OSER1: variants seen among roughly 807,000 people sequenced by gnomAD.
OSER1 encodes oxidative stress responsive serine rich 1.
In OSER1, 15 loss-of-function variants were observed where a neutral mutation model predicts 26.3. That is an observed-to-expected ratio of 0.57 (90% confidence interval 0.38 to 0.88). The LOEUF (loss-of-function observed/expected upper bound fraction) is 0.88, where lower values mean the gene tolerates loss of function less well. Among genes scored for constraint, OSER1 ranks in the 40% least tolerant of loss-of-function variants. OSER1 has a pLI of 0.00. For missense variants in OSER1, 313 were observed against 353.9 expected, an observed-to-expected ratio of 0.88 and a Z score of 0.93; for synonymous variants, 127 against 128.2, an observed-to-expected ratio of 0.99 and a Z score of 0.07.
upstream of OSER1, chr20:44,211,458 T>A (rs1027308030): frequency 6.6e-6 from 1 of 152,184 alleles, no homozygotes; most frequent in African/African-American, 2.4e-5. Context: ...AGGCAACTGC[T>A]TTTCCTCCTT....
intron 3 of OSER1, among the ~76,000 whole-genome samples, chr20:44,199,632 G>A (rs2072960641): frequency 6.6e-6 from 1 of 152,162 alleles, no homozygotes; most frequent in African/African-American, 2.4e-5. Context: ...CGGTAAGAAC[G>A]AATCTCCTAT....
chr20:44,204,561 A>T (rs1457830756), intron 2 of OSER1, among the ~76,000 whole-genome samples: 1 of 152,194 alleles, frequency 6.6e-6, no homozygotes, highest in Non-Finnish European at 1.5e-5. Flanking sequence ...TACAGGTGGT[A>T]CATACACAGG....
At chr20:44,201,232 G>T (rs1569238186) in intron 3 of OSER1, among the ~76,000 whole-genome samples, 1 of 152,206 alleles carries the variant, frequency 6.6e-6, no homozygotes, top group Non-Finnish European at 1.5e-5. Context: ...AAAGTATACA[G>T]GAGAATGAGC....
chr20:44,211,376 T>G (rs1391790381), upstream of OSER1: 1 of 152,192 alleles, frequency 6.6e-6, no homozygotes, highest in Non-Finnish European at 1.5e-5. Flanking sequence ...GTGGCCAGGG[T>G]CAATAGTGTG....
chr20:44,197,607 G>C lies in OSER1; in HGVS notation c.324C>G (p.His108Gln), dbSNP rs142485619. The change falls in exon 4 of 4, where the codon CAC (histidine) becomes CAG (glutamine). Residue 108 changes from histidine (H) to glutamine (Q), a missense_variant. Transcript: ENST00000255174. ...IASSSSSQLK[H>Q]KSQTDSPDGS... ...CATCAGGTGAGTCAGTCTGGCTTTT[G>C]TGCTTGAGTTGACTGCTGGAAGAAG... 1.9e-5 allele frequency: 31 copies of C among 1,614,080 alleles called. No individual in the cohort carries two copies. The African/African-American group carries it at 4.0e-4, about 21-fold the overall frequency.
rs531054044 is a variant in OSER1, at chr20:44,202,255, G to A, written c.191+706C>T. On this transcript the variant is annotated intron_variant, in intron 3 of 3. Coordinates refer to ENST00000255174, the MANE Select transcript of OSER1 (RefSeq NM_016470.8). The stretch of plus-strand genomic sequence containing the variant: ...CCCGGGCATGGTGGCGGGCACCTGC[G>A]TAACCCCAGGTACCTGGGAGGCCAA... Among the ~76,000 whole-genome samples the A allele has an allele frequency of 2.0e-5, 3 of 152,144 alleles. No homozygotes were observed. In the East Asian group the frequency reaches 5.8e-4, roughly 29 times the overall value.
intron 3 of OSER1, among the ~76,000 whole-genome samples, chr20:44,200,901 C>T (rs906993055): frequency 1.3e-5 from 2 of 152,198 alleles, no homozygotes; most frequent in African/African-American, 4.8e-5. Flanking sequence ...AACCAGAAGA[C>T]AATGAACTGT....
In OSER1 at chr20:44,197,704, G is replaced by C. The variant is rs903491002; in HGVS notation, c.227C>G (p.Thr76Ser). 1.9e-6 allele frequency: 3 copies of C among 1,613,430 alleles called. No individual in the cohort carries two copies. In the African/African-American group the frequency reaches 4.0e-5, roughly 22 times the overall value. ...AGACTTAGAACGTCGACGACGCTGAGTTCTCACTGCTCCTCGTGAAGACTT... is the reference window on the plus strand; with the variant it reads ...AGACTTAGAACGTCGACGACGCTGACTTCTCACTGCTCCTCGTGAAGACTT... ...TRKSSRGAVR[T>S]QRRRRSKSPV... Residue 76 changes from threonine to serine, a missense_variant, in exon 4 of 4, where the codon ACT becomes AGT. Thr to Ser is a moderately conservative substitution (Grantham distance 58). Transcript: ENST00000255174.
chr20:44,208,962 T>C (rs956127404), intron 1 of OSER1, among the ~76,000 whole-genome samples: 9 of 152,258 alleles, frequency 5.9e-5, no homozygotes, highest in African/African-American at 2.2e-4. Flanking sequence ...TTCACAAATA[T>C]TTACAGAATT....
At chr20:44,199,598 G>A (rs555796724) in intron 3 of OSER1, among the ~76,000 whole-genome samples, 19 of 152,300 alleles carry the variant, frequency 1.2e-4, no homozygotes, top group East Asian at 5.8e-4. Flanking sequence ...AAAATAAATC[G>A]TATACTGAGG....
intron 1 of OSER1, among the ~76,000 whole-genome samples, chr20:44,208,962 T>G (rs956127404): frequency 6.6e-6 from 1 of 152,140 alleles, no homozygotes; most frequent in African/African-American, 2.4e-5. Context: ...TTCACAAATA[T>G]TTACAGAATT....
intron 3 of OSER1, among the ~76,000 whole-genome samples, chr20:44,198,011 C>T (rs775487188): frequency 7.2e-5 from 11 of 152,166 alleles, no homozygotes; most frequent in Non-Finnish European, 1.3e-4. Context: ...GGACAGAACA[C>T]CTGCCCTGTT....
chr20:44,201,691 G>C (rs1163586962), intron 3 of OSER1, among the ~76,000 whole-genome samples: 1 of 152,180 alleles, frequency 6.6e-6, no homozygotes, highest in Admixed American at 6.5e-5. Flanking sequence ...GGTTTCTAAG[G>C]AGAAGGGCTA....
intron 3 of OSER1, 44 bp downstream of exon 3, chr20:44,202,917 A>C: frequency 9.0e-7 from 1 of 1,110,696 alleles, no homozygotes; most frequent in Non-Finnish European, 1.4e-6. Flanking sequence ...ATCCAATACT[A>C]TTATAATATT....
In OSER1 at chr20:44,196,606, G is replaced by A. The variant is rs1016242483; in HGVS notation, c.*446C>T. 1 of 161,368 alleles carries A rather than the reference G, an allele frequency of 6.2e-6. No homozygotes were observed. Among genetic ancestry groups the A allele is most frequent in the African/African-American group, 2.4e-5 (1 of 41,516 alleles). 10.0% of individuals were successfully genotyped at this position (161,368 alleles called of 1,614,324 possible). A position where few individuals can be genotyped will look rare whatever the true frequency, so the allele number is the denominator to read the frequency against. ...ACAATATATCTTGCATTAAATCAGA[G>A]ACGGTTTAAATCAGTCTTGTAACTT... On this transcript the variant is annotated 3_prime_UTR_variant, in exon 4 of 4. Transcript: ENST00000255174.
At position 44,197,751 on chromosome 20, in the gene OSER1, A is replaced by G. The variant is rs768525162; in HGVS notation, c.192-12T>C. On this transcript the variant is annotated splice_polypyrimidine_tract_variant and intron_variant, in intron 3 of 3. Coordinates refer to ENST00000255174, the MANE Select transcript of OSER1 (RefSeq NM_016470.8). Reference sequence around the variant, plus strand: ...ACTTCCTTGTAGACCTAAAGAGGAAAAAAAATATACAAGAAGATGTTGGGA... The same window carrying G: ...ACTTCCTTGTAGACCTAAAGAGGAAGAAAAATATACAAGAAGATGTTGGGA... 1.3e-6 allele frequency: 2 copies of G among 1,567,758 alleles called. No individual in the cohort carries two copies. Among genetic ancestry groups the G allele is most frequent in the South Asian group, 2.2e-5 (2 of 89,134 alleles).
At chr20:44,210,950 A>G (rs540058443), upstream of OSER1, 1 of 151,564 alleles carries the variant, frequency 6.6e-6, no homozygotes, top group African/African-American at 2.4e-5. Flanking sequence ...AACGCCCCGC[A>G]CCCGCCCCCC....
At chr20:44,209,717 G>T (rs1181609303) in intron 1 of OSER1, among the ~76,000 whole-genome samples, 2 of 152,102 alleles carry the variant, frequency 1.3e-5, no homozygotes, top group Non-Finnish European at 2.9e-5. Flanking sequence ...CAAATTCCTG[G>T]TTTTTTCTTT....
At chr20:44,204,521 AT>A (rs2073019819) in intron 2 of OSER1, among the ~76,000 whole-genome samples, 2 of 152,032 alleles carry the variant, frequency 1.3e-5, no homozygotes, top group Admixed American at 1.3e-4. Context: ...CAAATATATA[AT>A]TTTTTTTCAT....
Sources: allele counts gnomAD v4.1 joint callset (sites outside exome capture counted in the v4.1 genomes callset), GRCh38; gene constraint gnomAD v4.1.1; transcripts MANE v1.5; gene names NCBI Gene and HGNC (gene_info 2026-07-23, HGNC 2026-07-21).